BDP1: variants seen among roughly 807,000 people sequenced by gnomAD.
BDP1 encodes BDP1 general transcription factor IIIB subunit, also known as transcription factor TFIIIB component B'' homolog.
Under a neutral mutation model 266.6 loss-of-function variants are expected in BDP1, and 169 were observed. The observed-to-expected ratio is 0.63, with a 90% CI of 0.56 to 0.72. The LOEUF (loss-of-function observed/expected upper bound fraction) is 0.72. Ranked by LOEUF, BDP1 falls within the 30% of genes least tolerant of loss-of-function variation. The pLI, the probability that BDP1 is intolerant of heterozygous loss-of-function variation, is 0.00. For missense variants in BDP1, 3,015 were observed against 3,053.8 expected, an observed-to-expected ratio of 0.99 and a Z score of 0.30; for synonymous variants, 1,090 against 1,022.4, an observed-to-expected ratio of 1.07 and a Z score of -1.26.
intron 19 of BDP1, among the ~76,000 whole-genome samples, chr5:71,514,116 C>A (rs1765094508): frequency 1.3e-5 from 2 of 152,166 alleles, no homozygotes; most frequent in African/African-American, 4.8e-5. Context: ...ACTTTATTAA[C>A]TTGGTCCATA....
chr5:71,481,080 AG>A (rs1352003336), intron 7 of BDP1, among the ~76,000 whole-genome samples: 2 of 151,854 alleles, frequency 1.3e-5, no homozygotes, highest in Non-Finnish European at 2.9e-5. Flanking sequence ...AGGCTGAGGC[AG>A]GAGAATGGCA....
intron 7 of BDP1, among the ~76,000 whole-genome samples, chr5:71,474,774 G>T (rs1384117186): frequency 6.6e-6 from 1 of 151,890 alleles, no homozygotes; most frequent in Non-Finnish European, 1.5e-5. Context: ...TTGAACCCGG[G>T]AGGGAGAGGT....
At chr5:71,472,888 CTTTTTTT>C (rs57109617) in intron 7 of BDP1, among the ~76,000 whole-genome samples, 2 of 53,944 alleles carry the variant, frequency 3.7e-5, no homozygotes, top group African/African-American at 1.4e-4. Flanking sequence ...CTCTCTCTCT[CTTTTTTT>C]TTTTTTTTTT....
At chr5:71,561,128 G>A (rs2112098495) in intron 37 of BDP1, among the ~76,000 whole-genome samples, 1 of 150,670 alleles carries the variant, frequency 6.6e-6, no homozygotes, top group South Asian at 2.1e-4. Flanking sequence ...AAGGCTGGGT[G>A]CGGTGGCTCA....
intron 14 of BDP1, 114 bp downstream of exon 14, chr5:71,501,767 C>T (rs1764251895): frequency 1.5e-6 from 1 of 678,452 alleles, no homozygotes; most frequent in Admixed American, 2.8e-5. Context: ...AAGCAGCATA[C>T]TTTAAGTTCG....
At chr5:71,496,653 G>T (rs986410272) in intron 12 of BDP1, among the ~76,000 whole-genome samples, 3 of 152,108 alleles carry the variant, frequency 2.0e-5, no homozygotes, top group African/African-American at 7.2e-5. Flanking sequence ...CACCATCTTG[G>T]CTCACTGCAA....
At chr5:71,506,772 A>ATATT (rs1373092421) in intron 16 of BDP1, among the ~76,000 whole-genome samples, 2 of 134,582 alleles carry the variant, frequency 1.5e-5, no homozygotes, top group African/African-American at 5.5e-5. Context: ...ATATATATAT[A>ATATT]TATATATATT....
At chr5:71,484,037 T>C in intron 8 of BDP1, 141 bp downstream of exon 8, 1 of 663,040 alleles carries the variant, frequency 1.5e-6, no homozygotes, top group Non-Finnish European at 2.6e-6. Flanking sequence ...AATTTTTCTG[T>C]TTAGCAGTAT....
intron 1 of BDP1, 45 bp downstream of exon 1, chr5:71,456,134 C>G: frequency 6.4e-7 from 1 of 1,557,192 alleles, no homozygotes; most frequent in Non-Finnish European, 8.8e-7. Context: ...CCCGCCTCTC[C>G]GGGCATGTCA....
At chr5:71,530,273 T>C (rs1378687941) in intron 25 of BDP1, among the ~76,000 whole-genome samples, 2 of 152,126 alleles carry the variant, frequency 1.3e-5, no homozygotes, top group African/African-American at 4.8e-5. Context: ...CTTACTCCAT[T>C]GCCCAGGCTG....
chr5:71,499,091 C>T (rs1764073045), intron 13 of BDP1, among the ~76,000 whole-genome samples: 1 of 151,746 alleles, frequency 6.6e-6, no homozygotes, highest in Non-Finnish European at 1.5e-5. Flanking sequence ...ATGTTTAAAA[C>T]CTTTTTCTTT....
At chr5:71,485,200 A>T (rs1376562296) in intron 8 of BDP1, among the ~76,000 whole-genome samples, 4 of 152,106 alleles carry the variant, frequency 2.6e-5, no homozygotes, top group Non-Finnish European at 5.9e-5. Context: ...AGGCCCAGCT[A>T]CTCTCAGGAG....
chr5:71,541,146 A>T (rs1050842201), intron 28 of BDP1, among the ~76,000 whole-genome samples: 4 of 152,178 alleles, frequency 2.6e-5, no homozygotes, highest in African/African-American at 9.7e-5. Context: ...CTTGAAATCC[A>T]TCTGAGATTA....
At chr5:71,555,787 T>TA (rs1352174117) in intron 35 of BDP1, among the ~76,000 whole-genome samples, 7 of 152,172 alleles carry the variant, frequency 4.6e-5, no homozygotes, top group Non-Finnish European at 1.0e-4. Context: ...ATAGGGACAG[T>TA]ATCTCTCCCA....
At position 71,566,368 on chromosome 5, in the gene BDP1, A is replaced by G. The variant is rs1032842283; in HGVS notation, c.*1483A>G. On this transcript the variant is annotated 3_prime_UTR_variant, in exon 39 of 39. Coordinates refer to ENST00000358731, the MANE Select transcript of BDP1 (RefSeq NM_018429.3). ...AAAAACAGAGAAAATAAGGCTTTAT[A>G]AAGTTAATGATTATCATCAGTATGA... 1 of 152,316 alleles carries G rather than the reference A, an allele frequency of 6.6e-6. No individual in the cohort carries two copies. The highest frequency in any genetic ancestry group is 1.5e-5 in the Non-Finnish European group (1 of 68,038). 9.4% of individuals were successfully genotyped at this position (152,316 alleles called of 1,614,324 possible). A position where few individuals can be genotyped will look rare whatever the true frequency, so the allele number is the denominator to read the frequency against.
At position 71,522,124 on chromosome 5, in the gene BDP1, C is replaced by T. The variant is rs1411929436; in HGVS notation, c.4992-165C>T. On this transcript the variant is annotated intron_variant, in intron 22 of 38. Transcript: ENST00000358731. ...AATGCTTTATAAGTTCTTTTCATAT[C>T]AGCAATGTGTGGTTTCATTTTACAT... Among the ~76,000 whole-genome samples the T allele has an allele frequency of 3.9e-5, 6 of 152,258 alleles. No individual in the cohort carries two copies. In the East Asian group the frequency reaches 9.6e-4, roughly 24 times the overall value.
At position 71,549,455 on chromosome 5, in the gene BDP1, G is replaced by A. The variant is rs746369999; in HGVS notation, c.6844G>A (p.Asp2282Asn). The change falls in exon 34 of 39, where the codon GAT (aspartate) becomes AAT (asparagine). Residue 2282 changes from aspartate (D) to asparagine (N), a missense_variant. Asp to Asn is a conservative substitution (Grantham distance 23). Coordinates refer to ENST00000358731, the MANE Select transcript of BDP1 (RefSeq NM_018429.3). ...LVANVPQDGE[D>N]EQAFILTLVE... The stretch of plus-strand genomic sequence containing the variant: ...TGCTAATGTACCTCAAGATGGAGAA[G>A]ATGAACAAGCCTTTATTTTAACTCT... 7 of 1,613,902 alleles carry A rather than the reference G, an allele frequency of 4.3e-6. No homozygotes were observed. In the Admixed American group the frequency reaches 5.0e-5, roughly 12 times the overall value.
At chr5:71,504,891 A>G in intron 16 of BDP1, 140 bp downstream of exon 16, 1 of 767,766 alleles carries the variant, frequency 1.3e-6, no homozygotes. Flanking sequence ...ATATAACTTC[A>G]CCTTTCAAGA....
At chr5:71,552,282 C>G (rs1158939572) in intron 34 of BDP1, among the ~76,000 whole-genome samples, 1 of 151,186 alleles carries the variant, frequency 6.6e-6, no homozygotes, top group Non-Finnish European at 1.5e-5. Flanking sequence ...CAGAGACGCT[C>G]CTCACTTCCT....
Sources: allele counts gnomAD v4.1 joint callset (sites outside exome capture counted in the v4.1 genomes callset), GRCh38; gene constraint gnomAD v4.1.1; transcripts MANE v1.5; gene names NCBI Gene and HGNC (gene_info 2026-07-23, HGNC 2026-07-21).